Variants in CLPX observed in about 807,000 individuals in gnomAD.
CLPX encodes the protein ATP-dependent clpX-like chaperone, mitochondrial.
In CLPX, 34 loss-of-function variants were observed where a neutral mutation model predicts 76.4. The ratio of observed to expected loss-of-function variants is 0.45; its 90% confidence interval spans 0.34 to 0.59. CLPX has a LOEUF of 0.59. CLPX is among the 20% of genes least tolerant of loss of function. The probability of loss-of-function intolerance (pLI) is 0.01; values close to 1 mark genes in which losing one functional copy is unlikely to be tolerated. For missense variants in CLPX, 613 were observed against 757.0 expected (o/e 0.81, Z 2.23); for synonymous variants, 248 against 270.9 (o/e 0.92, Z 0.83).
At chr15:65,162,900 T>G (rs1246679667) in intron 5 of CLPX, among the ~76,000 whole-genome samples, 2 of 152,204 alleles carry the variant, frequency 1.3e-5, no homozygotes, top group African/African-American at 2.4e-5. Flanking sequence ...AAGTCTTTAA[T>G]AAGAGTTTAA....
chr15:65,156,881 T>C lies in CLPX; in HGVS notation c.1109A>G (p.His370Arg). 6.2e-7 allele frequency: 1 copy of C among 1,613,660 alleles called. No homozygotes were observed. The highest frequency in any genetic ancestry group is 1.1e-5 in the South Asian group (1 of 91,016). ...VDKIGSVPGI[H>R]QLRDVGGEGV... ...TTCTCCACCTACATCCCGTAATTGA[T>C]GAATGCCTGGCACACTGCCAATCTT... The change falls in exon 9 of 14, where the codon CAT (histidine) becomes CGT (arginine). Residue 370 changes from histidine (H) to arginine (R), a missense_variant. Physicochemically the swap from His to Arg is conservative, Grantham distance 29 (BLOSUM62 0). This residue lies in a region of CLPX where 450 missense variants were observed against 638.6 expected (regional missense o/e 0.70). Transcript: ENST00000300107.
In CLPX at chr15:65,185,086, G is replaced by A; in HGVS notation, c.68C>T (p.Ser23Phe). 6.3e-7 allele frequency: 1 copy of A among 1,580,350 alleles called. No individual in the cohort carries two copies. Among genetic ancestry groups the A allele is most frequent in the Non-Finnish European group, 8.6e-7 (1 of 1,164,052 alleles). Residue 23 changes from serine (S) to phenylalanine (F), a missense_variant, in exon 1 of 14, where the codon TCC becomes TTC. Ser to Phe is a radical substitution (Grantham distance 155). Transcript: ENST00000300107. Reference protein sequence around the residue: ...AVRLITSSLASAQRGISGGRI... With the variant: ...AVRLITSSLAFAQRGISGGRI... ...CACTATTTCGTTACCTCTCTGCGCG[G>A]AGGCGAGTGAGGAGGTGATGAGCCG...
intron 3 of CLPX, among the ~76,000 whole-genome samples, chr15:65,172,978 G>A (rs1014479867): frequency 1.3e-5 from 2 of 152,152 alleles, no homozygotes; most frequent in Non-Finnish European, 2.9e-5. Context: ...TTGCGCCACT[G>A]CATCGTAGCC....
intron 1 of CLPX, 49 bp downstream of exon 1, chr15:65,185,026 A>ACCCCCCCCCCC: frequency 8.4e-7 from 1 of 1,196,870 alleles, no homozygotes; most frequent in Non-Finnish European, 1.1e-6. Context: ...TGGCCAGTCC[A>ACCCCCCCCCCC]CCCCCCCCCC....
chr15:65,158,505 T>C, intron 7 of CLPX, 70 bp downstream of exon 7: 1 of 1,307,216 alleles, frequency 7.6e-7, no homozygotes. Context: ...AATCGCAAGA[T>C]ACAGGTTATA....
In CLPX at chr15:65,169,125, G is replaced by A. The variant is rs150614046; in HGVS notation, c.359-2340C>T. The stretch of plus-strand genomic sequence containing the variant: ...TGCAAGCTCCACCTCCCAGGTTCAC[G>A]CCATTCTCCTGCCTTAGCCTCCCGA... On this transcript the variant is annotated intron_variant, in intron 3 of 13. Coordinates refer to ENST00000300107, the MANE Select transcript of CLPX (RefSeq NM_006660.5). 6.4e-3 allele frequency among the ~76,000 whole-genome samples: 965 copies of A among 150,942 alleles called. 5 individuals carry two copies. The highest frequency in any genetic ancestry group is 0.02 in the African/African-American group (826 of 41,072).
chr15:65,170,003 C>T (rs1268338278), intron 3 of CLPX, among the ~76,000 whole-genome samples: 11 of 152,044 alleles, frequency 7.2e-5, no homozygotes, highest in African/African-American at 2.4e-4. Flanking sequence ...TCAGGTGATC[C>T]GCCTGCCTCA....
chr15:65,159,927 C>T (rs942110854), intron 6 of CLPX, among the ~76,000 whole-genome samples: 37 of 151,808 alleles, frequency 2.4e-4, no homozygotes, highest in Admixed American at 1.6e-3. Flanking sequence ...ATTCTCCTGC[C>T]TCAGCATCCC....
At position 65,185,235 on chromosome 15, in the gene CLPX, G is replaced by C. The variant is rs2088243865; in HGVS notation, c.-82C>G. 8.1e-7 allele frequency: 1 copy of C among 1,239,214 alleles called. No individual in the cohort carries two copies. The highest frequency in any genetic ancestry group is 1.5e-5 in the African/African-American group (1 of 67,056). 76.8% of individuals were successfully genotyped at this position (1,239,214 alleles called of 1,614,324 possible). ...GTGAATCCTGCCCGCAAGGCGCGCTGACTCGGTTCCGAACCCTTTCGCGGG... is the reference window on the plus strand; with the variant it reads ...GTGAATCCTGCCCGCAAGGCGCGCTCACTCGGTTCCGAACCCTTTCGCGGG... On this transcript the variant is annotated 5_prime_UTR_variant, in exon 1 of 14. Coordinates refer to ENST00000300107, the MANE Select transcript of CLPX (RefSeq NM_006660.5).
rs1393696819 is a variant in CLPX at position 65,156,928 on chromosome 15, A to G, written c.1062T>C (p.Ile354=). The G allele has an allele frequency of 1.9e-6, 3 of 1,602,198 alleles. No individual in the cohort carries two copies. The highest frequency in any genetic ancestry group is 1.7e-6 in the Non-Finnish European group (2 of 1,170,742). ...NYNVEKAQQG[I]VFLDEVDKIG... Reference sequence around the variant, plus strand: ...TCTTATCTACTTCATCCAGAAAGACAATTCCTATAATTTAAGGAGGATTCT... The same window carrying G: ...TCTTATCTACTTCATCCAGAAAGACGATTCCTATAATTTAAGGAGGATTCT... Residue 354 remains isoleucine (I), a synonymous_variant, in exon 9 of 14, where the codon ATT becomes ATC. Coordinates refer to ENST00000300107, the MANE Select transcript of CLPX (RefSeq NM_006660.5).
intron 9 of CLPX, among the ~76,000 whole-genome samples, chr15:65,156,123 A>G (rs140610254): frequency 3.3e-5 from 5 of 152,318 alleles, no homozygotes; most frequent in Admixed American, 3.3e-4. Context: ...GATAGTAAAG[A>G]CATAATTCTG....
intron 9 of CLPX, 101 bp from the exon 10 acceptor site, chr15:65,155,957 G>T: frequency 1.0e-6 from 1 of 991,008 alleles, no homozygotes; most frequent in Non-Finnish European, 1.5e-6. Context: ...TGTGATTATA[G>T]TCAATGCACA....
In CLPX at chr15:65,185,188, A is replaced by C. The variant is rs768336024; in HGVS notation, c.-35T>G. 6.5e-7 allele frequency: 1 copy of C among 1,527,670 alleles called. No homozygotes were observed. Among genetic ancestry groups the C allele is most frequent in the South Asian group, 1.2e-5 (1 of 83,286 alleles). The allele number at this position is 1,527,670 out of a possible 1,614,324, so 94.6% of individuals were successfully genotyped here. ...GCCTAGGCCGGGGCTTCGCCCCCTG[A>C]GGACCTCCGGGTCACAGCGGCGTGA... On this transcript the variant is annotated 5_prime_UTR_variant, in exon 1 of 14. Transcript: ENST00000300107.
intron 7 of CLPX, chr15:65,158,122 T>A: frequency 2.3e-6 from 1 of 431,260 alleles, no homozygotes; most frequent in Non-Finnish European, 4.1e-6. Flanking sequence ...AGCCTCAATC[T>A]CCTGGGCTTA....
At position 65,166,622 on chromosome 15, in the gene CLPX, G is replaced by A; in HGVS notation, c.513+9C>T. The A allele has an allele frequency of 1.2e-6, 2 of 1,613,514 alleles. No homozygotes were observed. Among genetic ancestry groups the A allele is most frequent in the Non-Finnish European group, 1.7e-6 (2 of 1,179,688 alleles). On this transcript the variant is annotated intron_variant, in intron 4 of 13. Coordinates refer to ENST00000300107, the MANE Select transcript of CLPX (RefSeq NM_006660.5). ...AAAATACTTGTAAGACTGAGCTTAA[G>A]ACTTATACCTTCTTAGGGGGAGGTG...
Position 65,149,596 on chromosome 15 carries a change from T to C in CLPX, c.*1227A>G, listed in dbSNP as rs1486562704. ...GGTAAATAAGGCCGGGTGTGGTGGC[T>C]TACGCCTGCAATCCCAGCACTTTGG... On this transcript the variant is annotated 3_prime_UTR_variant, in exon 14 of 14. Coordinates refer to ENST00000300107, the MANE Select transcript of CLPX (RefSeq NM_006660.5). 1 of 452,262 alleles carries C rather than the reference T, an allele frequency of 2.2e-6. No individual in the cohort carries two copies. The highest frequency in any genetic ancestry group is 1.6e-5 in the South Asian group (1 of 64,004). 28.0% of individuals were successfully genotyped at this position (452,262 alleles called of 1,614,324 possible). A position where few individuals can be genotyped will look rare whatever the true frequency, so the allele number is the denominator to read the frequency against.
intron 1 of CLPX, among the ~76,000 whole-genome samples, chr15:65,181,697 C>A (rs545071868): frequency 6.6e-6 from 1 of 151,520 alleles, no homozygotes; most frequent in Non-Finnish European, 1.5e-5. Flanking sequence ...TGCAGTGAGC[C>A]GAGATTGCGC....
In CLPX at chr15:65,154,832, G is replaced by A. The variant is rs1486957369; in HGVS notation, c.1561C>T (p.Pro521Ser). Residue 521 changes from proline (P) to serine (S), a missense_variant, in exon 11 of 14, where the codon CCA becomes TCA. Pro to Ser is a moderately conservative substitution (Grantham distance 74). Transcript: ENST00000300107. ...TACTGAGGAATAACAGCATTTCGTG[G>A]CTCAGTTAATATTTGTACAAGTGTT... Reference protein sequence around the residue: ...EKTLVQILTEPRNAVIPQYQA... With the variant: ...EKTLVQILTESRNAVIPQYQA... The A allele has an allele frequency of 1.9e-6, 3 of 1,613,962 alleles. No individual in the cohort carries two copies. Among genetic ancestry groups the A allele is most frequent in the South Asian group, 1.1e-5 (1 of 91,076 alleles).
intron 3 of CLPX, among the ~76,000 whole-genome samples, chr15:65,171,204 TG>T (rs2088000923): frequency 1.3e-5 from 2 of 152,136 alleles, no homozygotes; most frequent in African/African-American, 4.8e-5. Flanking sequence ...CCTAGCACTC[TG>T]GGAGGCTGAG....
Sources: gnomAD v4.1 joint callset for allele counts (sites outside exome capture counted in the v4.1 genomes callset) on GRCh38, gnomAD v4.1.1 for gene constraint, gnomAD v4.1.1 regional missense constraint, MANE v1.5 for transcripts, NCBI Gene and HGNC (gene_info 2026-07-23, HGNC 2026-07-21) for gene names.